Variants in DENND1A observed in about 807,000 individuals in gnomAD.
The protein encoded by DENND1A is DENN domain containing 1A, also known as DENN domain-containing protein 1A.
DENND1A carries 51 observed loss-of-function variants against 113.7 expected under a neutral mutation model. That is an observed-to-expected ratio of 0.45 (90% CI 0.36 to 0.57). The LOEUF (loss-of-function observed/expected upper bound fraction) is 0.57, where lower values mean the gene tolerates loss of function less well. Among genes scored for constraint, DENND1A ranks in the 20% least tolerant of loss-of-function variants. DENND1A has a pLI of 0.00. For missense variants in DENND1A, 1,258 were observed against 1,395.9 expected, an observed-to-expected ratio of 0.90 and a Z score of 1.57; for synonymous variants, 565 against 570.8, an observed-to-expected ratio of 0.99 and a Z score of 0.14.
intron 2 of DENND1A, among the ~76,000 whole-genome samples, chr9:123,823,508 C>T (rs1838828136): frequency 6.6e-6 from 1 of 152,120 alleles, no homozygotes; most frequent in Admixed American, 6.5e-5. Flanking sequence ...CACACAGGGT[C>T]TCATGGGGCA....
chr9:123,787,625 C>T (rs191168909), intron 3 of DENND1A, among the ~76,000 whole-genome samples: 26 of 152,308 alleles, frequency 1.7e-4, no homozygotes, highest in Admixed American at 1.2e-3. Context: ...CAATTACATG[C>T]AACTCAGAAA....
intron 9 of DENND1A, 100 bp downstream of exon 9, chr9:123,651,913 G>T: frequency 1.0e-6 from 1 of 965,402 alleles, no homozygotes. Flanking sequence ...TAAGGGGACT[G>T]TAGCTGACTC....
intron 13 of DENND1A, among the ~76,000 whole-genome samples, chr9:123,520,741 C>T (rs2054327232): frequency 6.6e-6 from 1 of 152,252 alleles, no homozygotes; most frequent in Non-Finnish European, 1.5e-5. Flanking sequence ...AGTTCATAAT[C>T]ATTTCAGCCA....
chr9:123,384,554 CA>C (rs2042459126), intron 22 of DENND1A, among the ~76,000 whole-genome samples: 1 of 152,244 alleles, frequency 6.6e-6, no homozygotes, highest in Admixed American at 6.5e-5. Context: ...ACACAGCAGA[CA>C]CGCACGGGTT....
At chr9:123,747,915 C>T (rs1215529476) in intron 5 of DENND1A, among the ~76,000 whole-genome samples, 1 of 152,028 alleles carries the variant, frequency 6.6e-6, no homozygotes. Context: ...GTTTCAGAAG[C>T]TAGTAACTAT....
chr9:123,650,182 G>A (rs1368216068), intron 9 of DENND1A, among the ~76,000 whole-genome samples: 1 of 152,158 alleles, frequency 6.6e-6, no homozygotes, highest in East Asian at 1.9e-4. Flanking sequence ...CTGAAATTAT[G>A]AACTGCACGT....
rs149241365 is a variant in DENND1A, at chr9:123,599,216, T to C, written c.765+10220A>G. 2.6e-5 allele frequency among the ~76,000 whole-genome samples: 4 copies of C among 152,374 alleles called. No homozygotes were observed. The East Asian group carries it at 7.7e-4, about 29-fold the overall frequency. On this transcript the variant is annotated intron_variant, in intron 11 of 23. Transcript: ENST00000394215. ...CTTCTTTTGTAGCCTAAACGGCATA[T>C]CTCTTAAGTGTCCAACTTTAATTTC... is the stretch of plus-strand genomic sequence containing the variant.
At chr9:123,671,702 G>A (rs756350395) in intron 6 of DENND1A, among the ~76,000 whole-genome samples, 3 of 152,042 alleles carry the variant, frequency 2.0e-5, no homozygotes, top group Admixed American at 6.6e-5. Context: ...AACAATCCTA[G>A]CTTACAGGGC....
intron 7 of DENND1A, 118 bp from the exon 8 acceptor site, chr9:123,667,197 C>A (rs1233479494): frequency 1.0e-6 from 1 of 998,568 alleles, no homozygotes; most frequent in Non-Finnish European, 1.5e-6. Context: ...AACGGTTTCA[C>A]TCAGAAGAAA....
intron 1 of DENND1A, among the ~76,000 whole-genome samples, chr9:123,924,798 C>A (rs928441517): frequency 2.0e-5 from 3 of 152,168 alleles, no homozygotes; most frequent in Non-Finnish European, 4.4e-5. Context: ...CTGACCTCAC[C>A]ACAAGCCTCT....
intron 6 of DENND1A, among the ~76,000 whole-genome samples, chr9:123,671,754 T>C (rs1040095320): frequency 6.6e-6 from 1 of 152,170 alleles, no homozygotes; most frequent in African/African-American, 2.4e-5. Context: ...ATAGATCTTG[T>C]CTTCATCATC....
intron 9 of DENND1A, among the ~76,000 whole-genome samples, chr9:123,634,177 C>T (rs1163231118): frequency 1.3e-5 from 2 of 152,076 alleles, no homozygotes; most frequent in Non-Finnish European, 2.9e-5. Context: ...AAAAGCAAAC[C>T]CACCAACCTC....
At chr9:123,812,979 C>A (rs566272318) in intron 2 of DENND1A, among the ~76,000 whole-genome samples, 1 of 152,286 alleles carries the variant, frequency 6.6e-6, no homozygotes, top group Admixed American at 6.5e-5. Context: ...TGGAAAGGGT[C>A]TCACTCTATC....
At chr9:123,929,256 C>T (rs1352868794) in intron 1 of DENND1A, among the ~76,000 whole-genome samples, 1 of 152,208 alleles carries the variant, frequency 6.6e-6, no homozygotes, top group African/African-American at 2.4e-5. Flanking sequence ...AGTTACAAAG[C>T]CTTTCCAACG....
chr9:123,588,087 G>A (rs1247701030), intron 11 of DENND1A, among the ~76,000 whole-genome samples: 3 of 151,944 alleles, frequency 2.0e-5, no homozygotes, highest in African/African-American at 7.3e-5. Flanking sequence ...AGACCAGCCT[G>A]ACCAATGGAG....
chr9:123,382,251 C>A lies in DENND1A; in HGVS notation c.2394G>T (p.Arg798=). 6.2e-7 allele frequency: 1 copy of A among 1,610,068 alleles called. No homozygotes were observed. Among genetic ancestry groups the A allele is most frequent in the Non-Finnish European group, 8.5e-7 (1 of 1,179,566 alleles). Residue 798 remains arginine, a synonymous_variant, in exon 24 of 24, where the codon CGG becomes CGT. Coordinates refer to ENST00000394215, the MANE Select transcript of DENND1A (RefSeq NM_001352964.2). The stretch of plus-strand genomic sequence containing the variant: ...CTCGCCTGTCCCGATCCGTCTGCAG[C>A]CGCTCTGAGACGTCACCAAGTGCGG... ...AGAALGDVSE[R]LQTDRDRRAA...
chr9:123,481,774 C>T (rs944911509), intron 13 of DENND1A, among the ~76,000 whole-genome samples: 5 of 151,488 alleles, frequency 3.3e-5, no homozygotes, highest in Non-Finnish European at 5.9e-5. Flanking sequence ...ATTCAATATG[C>T]ATATTGTCTT....
chr9:123,412,708 C>T (rs73664357), intron 19 of DENND1A, among the ~76,000 whole-genome samples: 1,535 of 152,324 alleles, frequency 0.01, 24 homozygotes, highest in African/African-American at 0.034. Flanking sequence ...TTGATGCTCT[C>T]GCAGGCATGG....
intron 2 of DENND1A, among the ~76,000 whole-genome samples, chr9:123,828,404 T>C (rs921889032): frequency 6.6e-6 from 1 of 151,990 alleles, no homozygotes; most frequent in African/African-American, 2.4e-5. Flanking sequence ...CTACTGTGAC[T>C]AGGCCTAACT....
Sources: gnomAD v4.1 joint callset for allele counts (sites outside exome capture counted in the v4.1 genomes callset) on GRCh38, gnomAD v4.1.1 for gene constraint, MANE v1.5 for transcripts, NCBI Gene and HGNC (gene_info 2026-07-23, HGNC 2026-07-21) for gene names.